PRPF3: variants seen among roughly 807,000 people sequenced by gnomAD.
PRPF3 encodes U4/U6 small nuclear ribonucleoprotein Prp3.
A neutral mutation model predicts 89.2 loss-of-function variants in PRPF3; 3 were observed. The ratio of observed to expected loss-of-function variants is 0.03; its 90% CI spans 0.02 to 0.09. PRPF3 has a LOEUF of 0.09. Ranked by LOEUF, PRPF3 falls within the 10% of genes least tolerant of loss-of-function variation. The pLI, the probability that PRPF3 is intolerant of heterozygous loss-of-function variation, is 1.00. For synonymous variants in PRPF3, 270 were observed against 289.1 expected (o/e 0.93, Z 0.67); for missense variants, 463 against 828.8 (o/e 0.56, Z 5.42).
At chr1:150,342,303 C>T (rs1465783007) in intron 9 of PRPF3, among the ~76,000 whole-genome samples, 1 of 151,718 alleles carries the variant, frequency 6.6e-6, no homozygotes, top group African/African-American at 2.4e-5. Flanking sequence ...TGGTGTGAAC[C>T]CAGGAGGCAG....
chr1:150,343,237 GAA>G lies in PRPF3; in HGVS notation c.1283-61_1283-60del, dbSNP rs201623637. The G allele has an allele frequency of 0.1, 83,605 of 821,764 alleles. 2,878 individuals carry two copies. Among genetic ancestry groups the G allele is most frequent in the Admixed American group, 0.17 (3,250 of 18,592 alleles). The allele number at this position is 821,764 out of a possible 1,614,324, so 50.9% of individuals were successfully genotyped here. On this transcript the variant is annotated intron_variant, in intron 9 of 15. Transcript: ENST00000324862. ...AACCTGGGTGACAGAGTGAGAGAGA[GAA>G]AAAAAAAAAATATATATATATATAT...
chr1:150,348,460 A>ATTATTTTTTTTTT (rs1658530596), intron 14 of PRPF3, among the ~76,000 whole-genome samples: 2 of 48,464 alleles, frequency 4.1e-5, no homozygotes, highest in Admixed American at 3.5e-4. Flanking sequence ...CTACACGTGC[A>ATTATTTTTTTTTT]TTTTTTTTTT....
chr1:150,338,611 C>T (rs770651812), intron 8 of PRPF3, among the ~76,000 whole-genome samples: 63 of 151,890 alleles, frequency 4.1e-4, no homozygotes, highest in East Asian at 7.7e-4. Flanking sequence ...AGAGATTCTC[C>T]TTGAATTCTC....
rs371541857 is a variant in PRPF3 at position 150,343,352 on chromosome 1, G to A, written c.1326G>A (p.Lys442=). The part of the protein sequence containing the change: ...TPVTLGVYLT[K]KEQKKLRRQT... ...TTACTCTGGGAGTATATCTTACCAA[G>A]AAGGAACAGAAAAAACTTCGGAGAC... The change falls in exon 10 of 16, where the codon AAG becomes AAA. Residue 442 remains lysine, a synonymous_variant. Transcript: ENST00000324862. 6 of 1,578,638 alleles carry A rather than the reference G, an allele frequency of 3.8e-6. No homozygotes were observed. Among genetic ancestry groups the A allele is most frequent in the Non-Finnish European group, 5.2e-6 (6 of 1,153,574 alleles).
intron 12 of PRPF3, chr1:150,345,742 T>G: frequency 2.3e-6 from 1 of 428,724 alleles, no homozygotes; most frequent in South Asian, 2.1e-5. Flanking sequence ...TAAGTATTTT[T>G]GGATGATAGT....
chr1:150,348,845 G>C, intron 14 of PRPF3: 1 of 364,570 alleles, frequency 2.7e-6, no homozygotes, highest in South Asian at 2.6e-5. Flanking sequence ...GACATATGAA[G>C]CCTGCCTCCC....
At chr1:150,341,400 ATTTTTTT>A (rs1169772517) in intron 9 of PRPF3, among the ~76,000 whole-genome samples, 1 of 101,906 alleles carries the variant, frequency 9.8e-6, no homozygotes, top group Non-Finnish European at 1.9e-5. Context: ...AGTTGCTTCT[ATTTTTTT>A]TTTTTTTTTT....
intron 3 of PRPF3, among the ~76,000 whole-genome samples, chr1:150,326,616 T>C (rs1655744118): frequency 6.6e-6 from 1 of 152,104 alleles, no homozygotes; most frequent in African/African-American, 2.4e-5. Flanking sequence ...GGCTATCCCA[T>C]TACTTTTCCT....
intron 14 of PRPF3, among the ~76,000 whole-genome samples, chr1:150,348,148 C>T (rs1489513334): frequency 4.6e-5 from 7 of 151,878 alleles, no homozygotes; most frequent in Admixed American, 6.6e-5. Flanking sequence ...TTTGGGAGGC[C>T]GAGGCGGGTG....
At chr1:150,340,737 TC>T (rs782481894) in intron 9 of PRPF3, among the ~76,000 whole-genome samples, 1 of 152,122 alleles carries the variant, frequency 6.6e-6, no homozygotes, top group African/African-American at 2.4e-5. Context: ...CCAAACACTT[TC>T]GGAGGCCAAG....
At chr1:150,336,783 A>G (rs1454488549) in intron 7 of PRPF3, among the ~76,000 whole-genome samples, 4 of 151,310 alleles carry the variant, frequency 2.6e-5, no homozygotes, top group Non-Finnish European at 5.9e-5. Context: ...ATTTATTAAT[A>G]TAATACATAA....
At chr1:150,345,731 G>C (rs967702723) in intron 12 of PRPF3, 4 of 408,598 alleles carry the variant, frequency 9.8e-6, no homozygotes, top group African/African-American at 2.1e-5. Context: ...CAATGAGATT[G>C]TAAGTATTTT....
intron 3 of PRPF3, among the ~76,000 whole-genome samples, chr1:150,326,654 T>G (rs1201154720): frequency 6.8e-6 from 1 of 146,052 alleles, no homozygotes; most frequent in African/African-American, 2.6e-5. Context: ...AAGTAATGTC[T>G]GCTTGGTCCC....
intron 12 of PRPF3, among the ~76,000 whole-genome samples, chr1:150,344,792 G>A (rs1248639675): frequency 6.6e-6 from 1 of 150,622 alleles, no homozygotes; most frequent in East Asian, 1.9e-4. Flanking sequence ...TATTAGTTCT[G>A]AACAAGTCAA....
intron 8 of PRPF3, among the ~76,000 whole-genome samples, chr1:150,339,369 T>G (rs1657412812): frequency 7.2e-6 from 1 of 139,860 alleles, no homozygotes; most frequent in African/African-American, 2.9e-5. Flanking sequence ...AGGGTGAAAC[T>G]CTGTCTCAAA....
chr1:150,332,159 G>C (rs1217562527), intron 4 of PRPF3, among the ~76,000 whole-genome samples: 1 of 151,892 alleles, frequency 6.6e-6, no homozygotes, highest in African/African-American at 2.4e-5. Flanking sequence ...GGGAGGCAGA[G>C]CTTGCAGTGA....
In PRPF3 at chr1:150,352,919, T is replaced by C. The variant is rs1371406938; in HGVS notation, c.1992T>C (p.His664=). 3 of 1,614,146 alleles carry C rather than the reference T, an allele frequency of 1.9e-6. No homozygotes were observed. Among genetic ancestry groups the C allele is most frequent in the East Asian group, 2.2e-5 (1 of 44,880 alleles). Residue 664 remains histidine, a synonymous_variant, in exon 16 of 16, where the codon CAT becomes CAC. Transcript: ENST00000324862. ...TGGCTCGTGAGCATTTCAAAAAGCA[T>C]GGGGCTGAACACTACTGGGACCTTG... ...ENMAREHFKK[H]GAEHYWDLAL...
chr1:150,323,591 C>G (rs1322928290), intron 1 of PRPF3, among the ~76,000 whole-genome samples: 1 of 148,816 alleles, frequency 6.7e-6, no homozygotes, highest in Admixed American at 6.8e-5. Flanking sequence ...ACCAAGATTA[C>G]GCCACTGCAC....
At position 150,344,321 on chromosome 1, in the gene PRPF3, G is replaced by C. The variant is rs985416618; in HGVS notation, c.1526+60G>C. 10 of 1,613,786 alleles carry C rather than the reference G, an allele frequency of 6.2e-6. No homozygotes were observed. In the South Asian group the frequency reaches 1.1e-4, roughly 18 times the overall value. On this transcript the variant is annotated intron_variant, in intron 11 of 15. Coordinates refer to ENST00000324862, the MANE Select transcript of PRPF3 (RefSeq NM_004698.4). ...AAGTACCTTTCCCAAACTCTTCTGG[G>C]GGGTCCATATTTGGAGGGAGGGGAG...
Sources: allele counts gnomAD v4.1 joint callset (sites outside exome capture counted in the v4.1 genomes callset), GRCh38; gene constraint gnomAD v4.1.1; transcripts MANE v1.5; gene names NCBI Gene and HGNC (gene_info 2026-07-23, HGNC 2026-07-21).